PDGFD: variants seen among roughly 807,000 people sequenced by gnomAD.
PDGFD encodes platelet derived growth factor D.
Under a neutral mutation model 44.7 loss-of-function variants are expected in PDGFD, and 30 were observed. The observed-to-expected ratio is 0.67, with a 90% CI of 0.50 to 0.91. The LOEUF (loss-of-function observed/expected upper bound fraction) is 0.91. PDGFD is among the 40% of genes least tolerant of loss of function. PDGFD has a pLI of 0.00. For synonymous variants in PDGFD, 173 were observed against 168.4 expected (o/e 1.03, Z -0.21); for missense variants, 445 against 457.8 (o/e 0.97, Z 0.25).
chr11:103,909,920 T>G (rs986719091), intron 6 of PDGFD, 101 bp from the exon 7 acceptor site: 41 of 1,429,666 alleles, frequency 2.9e-5, no homozygotes, highest in Non-Finnish European at 3.9e-5. Flanking sequence ...CTTAGCCCTT[T>G]GAGAACCCAA....
intron 3 of PDGFD, among the ~76,000 whole-genome samples, chr11:103,950,818 T>C (rs908855890): frequency 1.3e-5 from 2 of 152,176 alleles, no homozygotes; most frequent in Non-Finnish European, 2.9e-5. Context: ...TAGTTGAAGC[T>C]GAGTGCTGGT....
At chr11:104,040,635 T>A (rs1166059350) in intron 1 of PDGFD, among the ~76,000 whole-genome samples, 3 of 152,026 alleles carry the variant, frequency 2.0e-5, no homozygotes, top group African/African-American at 7.2e-5. Context: ...AAAATAATTA[T>A]TTTTAAGCCC....
chr11:104,118,119 A>G (rs1246355208), intron 1 of PDGFD, among the ~76,000 whole-genome samples: 1 of 151,932 alleles, frequency 6.6e-6, no homozygotes, highest in Non-Finnish European at 1.5e-5. Context: ...CTGTGAACAA[A>G]GAAAATTGTA....
chr11:103,955,762 G>A (rs1176712490), intron 3 of PDGFD, among the ~76,000 whole-genome samples: 1 of 151,930 alleles, frequency 6.6e-6, no homozygotes, highest in Admixed American at 6.6e-5. Context: ...CCCTGGATAG[G>A]AGCTTTCTGT....
chr11:103,939,649 A>T (rs549720606), intron 5 of PDGFD, among the ~76,000 whole-genome samples: 27 of 152,250 alleles, frequency 1.8e-4, no homozygotes, highest in Non-Finnish European at 3.1e-4. Context: ...AGGAGTATTT[A>T]TGTAGCTTAC....
intron 1 of PDGFD, among the ~76,000 whole-genome samples, chr11:104,063,446 C>A (rs1480012044): frequency 6.6e-6 from 1 of 151,958 alleles, no homozygotes; most frequent in African/African-American, 2.4e-5. Flanking sequence ...GACTTCTGAA[C>A]TTTAAAATCA....
At chr11:104,155,465 C>G (rs1415463619) in intron 1 of PDGFD, among the ~76,000 whole-genome samples, 1 of 152,144 alleles carries the variant, frequency 6.6e-6, no homozygotes, top group African/African-American at 2.4e-5. Flanking sequence ...TAAGAGGAGG[C>G]AGGAAAACTA....
chr11:103,997,735 C>A (rs897506386), intron 2 of PDGFD, among the ~76,000 whole-genome samples: 1 of 152,268 alleles, frequency 6.6e-6, no homozygotes, highest in Non-Finnish European at 1.5e-5. Flanking sequence ...ATTTACTGCA[C>A]AAAGCATGAC....
At chr11:104,001,980 CA>C (rs1380761110) in intron 1 of PDGFD, among the ~76,000 whole-genome samples, 1 of 152,118 alleles carries the variant, frequency 6.6e-6, no homozygotes, top group Non-Finnish European at 1.5e-5. Flanking sequence ...GCAGCTTGTT[CA>C]GCTAGACTTT....
At chr11:104,081,978 A>T (rs1304301565) in intron 1 of PDGFD, among the ~76,000 whole-genome samples, 1 of 151,996 alleles carries the variant, frequency 6.6e-6, no homozygotes, top group Non-Finnish European at 1.5e-5. Flanking sequence ...TATTTAAAGC[A>T]GGAGATTTTT....
In PDGFD at chr11:104,082,129, C is replaced by T. The variant is rs11226147; in HGVS notation, c.124+81675G>A. 1.3e-4 allele frequency among the ~76,000 whole-genome samples: 8 copies of T among 61,312 alleles called. 1 individual carries two copies. In the East Asian group the frequency reaches 1.9e-3, roughly 15 times the overall value. 40.2% of individuals were successfully genotyped at this position (61,312 alleles called of 152,430 possible). A position where few individuals can be genotyped will look rare whatever the true frequency, so the allele number is the denominator to read the frequency against. ...CTATATTTTTGTTGATGTCCATATA[C>T]ATACATACATATATATATATGAAAA... is the stretch of plus-strand genomic sequence containing the variant. On this transcript the variant is annotated intron_variant, in intron 1 of 6. Coordinates refer to ENST00000393158, the MANE Select transcript of PDGFD (RefSeq NM_025208.5).
At chr11:104,047,939 G>A (rs938649537) in intron 1 of PDGFD, among the ~76,000 whole-genome samples, 4 of 152,026 alleles carry the variant, frequency 2.6e-5, no homozygotes, top group Admixed American at 2.0e-4. Context: ...ATAGTACATA[G>A]CTAATGTAAA....
At chr11:103,960,021 T>A (rs1858912338) in intron 3 of PDGFD, among the ~76,000 whole-genome samples, 1 of 152,210 alleles carries the variant, frequency 6.6e-6, no homozygotes, top group Non-Finnish European at 1.5e-5. Flanking sequence ...ACTAGCAATA[T>A]TCATCAGCAG....
intron 1 of PDGFD, among the ~76,000 whole-genome samples, chr11:104,081,291 A>C (rs1005066357): frequency 1.3e-5 from 2 of 152,176 alleles, no homozygotes; most frequent in Non-Finnish European, 2.9e-5. Flanking sequence ...ATACCTGAAA[A>C]GATTTATGCA....
In PDGFD at chr11:104,123,893, C is replaced by G. The variant is rs141632281; in HGVS notation, c.124+39911G>C. ...TAATAAAAAACTTGCTTCTAACTGG[C>G]AAAGGCCCAACTATCTCAGTACTTC... On this transcript the variant is annotated intron_variant, in intron 1 of 6. Transcript: ENST00000393158. 3.1e-3 allele frequency among the ~76,000 whole-genome samples: 474 copies of G among 152,090 alleles called. 3 individuals are homozygous for G. Among genetic ancestry groups the G allele is most frequent in the South Asian group, 0.017 (82 of 4,822 alleles).
At chr11:104,000,859 G>A (rs1222433912) in intron 1 of PDGFD, among the ~76,000 whole-genome samples, 1 of 152,134 alleles carries the variant, frequency 6.6e-6, no homozygotes, top group African/African-American at 2.4e-5. Context: ...TTTTCTCTAT[G>A]CTGTTAGCCA....
intron 1 of PDGFD, among the ~76,000 whole-genome samples, chr11:104,057,616 C>T (rs1334688812): frequency 6.6e-6 from 1 of 152,114 alleles, no homozygotes; most frequent in Admixed American, 6.5e-5. Context: ...TAACCCAAAC[C>T]TCAGCATCAT....
intron 1 of PDGFD, among the ~76,000 whole-genome samples, chr11:104,100,735 C>CA (rs1861364699): frequency 6.6e-6 from 1 of 152,132 alleles, no homozygotes; most frequent in Non-Finnish European, 1.5e-5. Flanking sequence ...AGCAGCACAA[C>CA]AAAAAGCTTA....
rs1861215593 is a variant in PDGFD, at chr11:104,091,764, A to AT, written c.124+72039dup. On this transcript the variant is annotated intron_variant, in intron 1 of 6. Coordinates refer to ENST00000393158, the MANE Select transcript of PDGFD (RefSeq NM_025208.5). ...TATAACTAATGGCTTTATAATCTTG[A>AT]TTTTGACTTGTTCCAAAATCTACAC... Among the ~76,000 whole-genome samples, 3 of 151,838 alleles carry AT rather than the reference A, an allele frequency of 2.0e-5. No individual in the cohort carries two copies. In the Middle Eastern group the frequency reaches 0.01, roughly 516 times the overall value.
Sources: allele counts gnomAD v4.1 joint callset (sites outside exome capture counted in the v4.1 genomes callset), GRCh38; gene constraint gnomAD v4.1.1; transcripts MANE v1.5; gene names NCBI Gene and HGNC (gene_info 2026-07-23, HGNC 2026-07-21).